PDGFRA: variants seen among roughly 807,000 people sequenced by gnomAD.
The protein encoded by PDGFRA is platelet derived growth factor receptor alpha.
A neutral mutation model predicts 121.5 loss-of-function variants in PDGFRA; 25 were observed. That is an observed-to-expected ratio of 0.21 (90% CI 0.15 to 0.29). The LOEUF is 0.29. Among genes scored for constraint, PDGFRA ranks in the 10% least tolerant of loss-of-function variants. The pLI, the probability that PDGFRA is intolerant of heterozygous loss-of-function variation, is 1.00. For missense variants in PDGFRA, 1,008 were observed against 1,345.1 expected (o/e 0.75, Z 3.92); for synonymous variants, 463 against 494.8 (o/e 0.94, Z 0.85).
chr4:54,284,505 G>A (rs1724213599), intron 16 of PDGFRA, among the ~76,000 whole-genome samples: 1 of 151,648 alleles, frequency 6.6e-6, no homozygotes, highest in Non-Finnish European at 1.5e-5. Context: ...AATCATGGTG[G>A]AAGGTAAAGG....
intron 21 of PDGFRA, 137 bp downstream of exon 21, chr4:54,289,251 C>T (rs763591079): frequency 1.4e-5 from 10 of 704,344 alleles, no homozygotes; most frequent in South Asian, 3.0e-5. Context: ...GGCTTCATGG[C>T]GGTGCTCCAC....
intron 16 of PDGFRA, chr4:54,281,960 A>G: frequency 9.2e-7 from 1 of 1,091,364 alleles, no homozygotes; most frequent in Non-Finnish European, 1.1e-6. Context: ...AAAGAAAATA[A>G]AGCAATTCAC....
chr4:54,272,116 G>A (rs1246875881), intron 8 of PDGFRA, among the ~76,000 whole-genome samples: 1 of 150,002 alleles, frequency 6.7e-6, no homozygotes, highest in Admixed American at 6.7e-5. Context: ...CAAGTAGCTG[G>A]GGCTACATGT....
intron 3 of PDGFRA, 104 bp downstream of exon 3, chr4:54,261,516 G>A (rs1211282641): frequency 1.3e-5 from 9 of 691,614 alleles, no homozygotes; most frequent in African/African-American, 3.6e-5. Flanking sequence ...TATTTATTGC[G>A]GGAAGTTTGA....
At chr4:54,231,374 G>C (rs748109281) in intron 1 of PDGFRA, among the ~76,000 whole-genome samples, 1 of 152,186 alleles carries the variant, frequency 6.6e-6, no homozygotes, top group Non-Finnish European at 1.5e-5. Context: ...ACAAGAACTA[G>C]ACAGATTTTT....
intron 8 of PDGFRA, 59 bp from the exon 9 acceptor site, chr4:54,272,335 A>G: frequency 6.3e-7 from 1 of 1,586,776 alleles, no homozygotes; most frequent in South Asian, 1.1e-5. Flanking sequence ...TCCACTTTGT[A>G]GTCTCATATG....
chr4:54,288,880 AC>A lies in PDGFRA; in HGVS notation c.2758del (p.His920ThrfsTer11). 6.2e-7 allele frequency: 1 copy of A among 1,608,308 alleles called. No individual in the cohort carries two copies. Among genetic ancestry groups the A allele is most frequent in the Non-Finnish European group, 8.5e-7 (1 of 1,174,636 alleles). ...AGTGGGTACCGGATGGCCAAGCCTG[AC>A]CACGCTACCAGTGAAGTGTGAGCTC... is the stretch of plus-strand genomic sequence containing the variant. ...IKSGYRMAKP[D>X]HATSEVYEIM... On this transcript the variant is annotated frameshift_variant, in exon 20 of 23. Coordinates refer to ENST00000257290, the MANE Select transcript of PDGFRA (RefSeq NM_006206.6). LOFTEE classifies it high-confidence loss of function.
intron 8 of PDGFRA, 68 bp downstream of exon 8, chr4:54,270,816 C>T: frequency 1.1e-6 from 1 of 885,696 alleles, no homozygotes; most frequent in South Asian, 1.3e-5. Context: ...AAGCCTGGCA[C>T]TTTTCTCCCC....
intron 9 of PDGFRA, 111 bp from the exon 10 acceptor site, chr4:54,273,426 G>A (rs1005634309): frequency 2.4e-5 from 20 of 844,430 alleles, no homozygotes; most frequent in East Asian, 4.9e-5. Context: ...GTATTGCCCC[G>A]AAATGCAGAC....
At chr4:54,293,153 C>A (rs141090823) in intron 22 of PDGFRA, among the ~76,000 whole-genome samples, 1 of 152,144 alleles carries the variant, frequency 6.6e-6, no homozygotes, top group African/African-American at 2.4e-5. Context: ...TGCCCTCTTA[C>A]ATATTATTTG....
At chr4:54,238,136 TC>T in intron 1 of PDGFRA, among the ~76,000 whole-genome samples, 1 of 152,336 alleles carries the variant, frequency 6.6e-6, no homozygotes, top group South Asian at 2.1e-4. Flanking sequence ...CATACCCCAC[TC>T]CCCTTCCTGT....
intron 12 of PDGFRA, 175 bp from the exon 13 acceptor site, chr4:54,277,213 C>T (rs780050312): frequency 6.1e-5 from 41 of 668,858 alleles, no homozygotes; most frequent in Non-Finnish European, 1.0e-4. Context: ...ATGCTAATTT[C>T]CTTCCCTGTG....
At chr4:54,294,634 G>A (rs1233653006) in intron 22 of PDGFRA, among the ~76,000 whole-genome samples, 4 of 152,026 alleles carry the variant, frequency 2.6e-5, no homozygotes, top group Admixed American at 2.0e-4. Flanking sequence ...TCAAGTTGGG[G>A]GTTGGTGGGG....
At chr4:54,245,228 A>G (rs959624187) in intron 1 of PDGFRA, among the ~76,000 whole-genome samples, 4 of 152,164 alleles carry the variant, frequency 2.6e-5, no homozygotes, top group African/African-American at 9.7e-5. Flanking sequence ...CGCCACAAAG[A>G]TACTCCTCGA....
chr4:54,296,502 A>C lies in PDGFRA; in HGVS notation c.*1230A>C, dbSNP rs1724891819. The C allele has an allele frequency of 4.3e-6, 1 of 232,522 alleles. No homozygotes were observed. The highest frequency in any genetic ancestry group is 5.6e-5 in the Admixed American group (1 of 17,760). 14.4% of individuals were successfully genotyped at this position (232,522 alleles called of 1,614,324 possible). On this transcript the variant is annotated 3_prime_UTR_variant, in exon 23 of 23. Transcript: ENST00000257290. Reference sequence around the variant, plus strand: ...CTCCTTCTTTCACCCCTTACCCCAAAGAGAAAGAGTTTGAAACTCGAGACC... The same window carrying C: ...CTCCTTCTTTCACCCCTTACCCCAACGAGAAAGAGTTTGAAACTCGAGACC...
rs1312160226 is a variant in PDGFRA at position 54,278,394 on chromosome 4, T to C, written c.2035T>C (p.Tyr679His). 1.2e-6 allele frequency: 2 copies of C among 1,613,816 alleles called. No individual in the cohort carries two copies. The highest frequency in any genetic ancestry group is 1.7e-6 in the Non-Finnish European group (2 of 1,179,842). Reference sequence around the variant, plus strand: ...TTACATCATCACAGAGTATTGCTTCTATGGAGATTTGGTCAACTATTTGCA... The same window carrying C: ...TTACATCATCACAGAGTATTGCTTCCATGGAGATTTGGTCAACTATTTGCA... ...PIYIITEYCF[Y>H]GDLVNYLHKN... is the part of the protein sequence containing the mutation. The change falls in exon 15 of 23, where the codon TAT becomes CAT. Residue 679 changes from tyrosine to histidine, a missense_variant. Tyr to His is a moderately conservative substitution (Grantham distance 83). Around this residue, in one of 5 missense-constraint regions of PDGFRA, gnomAD observed 128 missense variants for 147.6 expected, o/e 0.87. Transcript: ENST00000257290.
chr4:54,252,304 T>C (rs779746615), intron 1 of PDGFRA, among the ~76,000 whole-genome samples: 4 of 152,230 alleles, frequency 2.6e-5, no homozygotes, highest in Non-Finnish European at 4.4e-5. Flanking sequence ...TGATTTTGTT[T>C]TACTGTTGTG....
intron 1 of PDGFRA, among the ~76,000 whole-genome samples, chr4:54,232,918 GC>G (rs532617564): frequency 3.0e-4 from 45 of 152,284 alleles, no homozygotes; most frequent in African/African-American, 9.6e-4. Flanking sequence ...GAGGGCGCAT[GC>G]TAGCTCTCCT....
intron 1 of PDGFRA, among the ~76,000 whole-genome samples, chr4:54,255,109 C>T (rs1722287196): frequency 6.6e-6 from 1 of 152,222 alleles, no homozygotes; most frequent in African/African-American, 2.4e-5. Flanking sequence ...CTGACACCAG[C>T]TGTGTGACCT....
Sources: gnomAD v4.1 joint callset for allele counts (sites outside exome capture counted in the v4.1 genomes callset) on GRCh38, gnomAD v4.1.1 for gene constraint, gnomAD v4.1.1 regional missense constraint, MANE v1.5 for transcripts, NCBI Gene and HGNC (gene_info 2026-07-23, HGNC 2026-07-21) for gene names.